Variants in ZFPM2 observed in about 807,000 individuals in gnomAD.
ZFPM2 encodes the protein zinc finger protein, FOG family member 2, also known as zinc finger protein ZFPM2.
In ZFPM2, 20 loss-of-function variants were observed where a neutral mutation model predicts 98.6. The observed-to-expected ratio is 0.20, with a 90% CI of 0.14 to 0.29. The LOEUF (loss-of-function observed/expected upper bound fraction) is 0.29, where lower values mean the gene tolerates loss of function less well. ZFPM2 is among the 10% of genes least tolerant of loss of function. The pLI, the probability that ZFPM2 is intolerant of heterozygous loss-of-function variation, is 1.00. For missense variants in ZFPM2, 1,310 were observed against 1,388.6 expected (o/e 0.94, Z 0.90); for synonymous variants, 518 against 502.7 (o/e 1.03, Z -0.41).
chr8:105,680,405 G>A (rs777285218), intron 5 of ZFPM2, among the ~76,000 whole-genome samples: 26 of 152,180 alleles, frequency 1.7e-4, no homozygotes, highest in African/African-American at 5.1e-4. Context: ...GCTGCTCTCC[G>A]TTCCTTTGCT....
intron 5 of ZFPM2, among the ~76,000 whole-genome samples, chr8:105,691,969 G>C (rs541075564): frequency 8.7e-4 from 132 of 152,254 alleles, no homozygotes; most frequent in African/African-American, 3.0e-3. Flanking sequence ...ATTGACTTTA[G>C]GCAAAACATT....
chr8:105,452,359 A>T (rs1432253459), intron 3 of ZFPM2, among the ~76,000 whole-genome samples: 1 of 152,190 alleles, frequency 6.6e-6, no homozygotes, highest in African/African-American at 2.4e-5. Context: ...CTTAGAATGC[A>T]TCTCAACAGG....
chr8:105,324,421 G>T (rs1252285067), intron 1 of ZFPM2, among the ~76,000 whole-genome samples: 1 of 151,688 alleles, frequency 6.6e-6, no homozygotes, highest in Non-Finnish European at 1.5e-5. Context: ...TGTTATTTCT[G>T]CTAGTTGAGG....
chr8:105,491,616 C>T (rs1459055369), intron 3 of ZFPM2, among the ~76,000 whole-genome samples: 1 of 152,066 alleles, frequency 6.6e-6, no homozygotes, highest in East Asian at 1.9e-4. Flanking sequence ...TCAGACTTCA[C>T]AAGAGCAAGA....
chr8:105,581,302 C>G (rs1815592142), intron 4 of ZFPM2, among the ~76,000 whole-genome samples: 1 of 151,962 alleles, frequency 6.6e-6, no homozygotes, highest in South Asian at 2.1e-4. Context: ...TGCATAGGGG[C>G]CAAAGAATGA....
intron 4 of ZFPM2, among the ~76,000 whole-genome samples, chr8:105,565,367 C>A (rs546397480): frequency 6.6e-6 from 1 of 152,204 alleles, no homozygotes; most frequent in Non-Finnish European, 1.5e-5. Context: ...GTAGATACTT[C>A]ATGCTTTAAA....
intron 3 of ZFPM2, among the ~76,000 whole-genome samples, chr8:105,479,912 A>G (rs1813083243): frequency 6.6e-6 from 1 of 152,060 alleles, no homozygotes; most frequent in South Asian, 2.1e-4. Flanking sequence ...ATCAGATATC[A>G]TGCTTATTTT....
intron 5 of ZFPM2, among the ~76,000 whole-genome samples, chr8:105,656,611 C>G (rs770789399): frequency 6.6e-6 from 1 of 152,074 alleles, no homozygotes. Context: ...TCTGCAAGGC[C>G]GTGACTCTTA....
At chr8:105,709,147 G>GGGAGAAAA (rs1387377503) in intron 5 of ZFPM2, among the ~76,000 whole-genome samples, 3 of 152,188 alleles carry the variant, frequency 2.0e-5, no homozygotes, top group African/African-American at 7.2e-5. Flanking sequence ...AGGTCAGAAA[G>GGGAGAAAA]GGAGAAAAGG....
intron 1 of ZFPM2, among the ~76,000 whole-genome samples, chr8:105,352,587 GTT>G (rs111360013): frequency 7.1e-6 from 1 of 141,196 alleles, no homozygotes; most frequent in Non-Finnish European, 1.6e-5. Flanking sequence ...CCATTTTACC[GTT>G]TTTTTTTTTT....
intron 5 of ZFPM2, among the ~76,000 whole-genome samples, chr8:105,658,936 A>G (rs1214618703): frequency 6.6e-6 from 1 of 152,226 alleles, no homozygotes; most frequent in Non-Finnish European, 1.5e-5. Flanking sequence ...AGAAAGACAA[A>G]TGAATGGCCA....
At chr8:105,455,161 A>G (rs1173418475) in intron 3 of ZFPM2, among the ~76,000 whole-genome samples, 1 of 152,226 alleles carries the variant, frequency 6.6e-6, no homozygotes, top group African/African-American at 2.4e-5. Flanking sequence ...AAATATTCCA[A>G]AAATTTTTTA....
rs371104717 is a variant in ZFPM2, at chr8:105,445,688, T to A, written c.301+1307T>A. On this transcript the variant is annotated intron_variant, in intron 3 of 7. Transcript: ENST00000407775. ...GGCATGATCTTGGCTCACTGCAGCC[T>A]CCACCTCCCAGCCTCAAGTGATCCT... Among the ~76,000 whole-genome samples the A allele has an allele frequency of 1.5e-4, 23 of 151,844 alleles. 1 individual carries two copies. In the East Asian group the frequency reaches 2.5e-3, roughly 17 times the overall value.
chr8:105,441,475 AAAGAAAG>A (rs1413095874), intron 2 of ZFPM2, among the ~76,000 whole-genome samples: 1 of 129,136 alleles, frequency 7.7e-6, no homozygotes, highest in Non-Finnish European at 1.6e-5. Flanking sequence ...AGAAAGAAAG[AAAGAAAG>A]AAAGAAAGAA....
chr8:105,349,803 A>G (rs1242136391), intron 1 of ZFPM2, among the ~76,000 whole-genome samples: 3 of 152,364 alleles, frequency 2.0e-5, no homozygotes, highest in South Asian at 2.1e-4. Context: ...TGTAATATAC[A>G]TGTAATCATA....
At chr8:105,447,476 A>G (rs1263341630) in intron 3 of ZFPM2, among the ~76,000 whole-genome samples, 1 of 152,112 alleles carries the variant, frequency 6.6e-6, no homozygotes, top group South Asian at 2.1e-4. Flanking sequence ...TTGAAGCCGA[A>G]CCTTTAGAGT....
chr8:105,391,145 A>G (rs1372913952), intron 1 of ZFPM2, among the ~76,000 whole-genome samples: 1 of 152,210 alleles, frequency 6.6e-6, no homozygotes, highest in Non-Finnish European at 1.5e-5. Context: ...GAGCTATGCA[A>G]CAAAAGCAAA....
rs112487088 is a variant in ZFPM2 at position 105,353,195 on chromosome 8, A to G, written c.40+34214A>G. 9.2e-3 allele frequency among the ~76,000 whole-genome samples: 1,396 copies of G among 151,920 alleles called. 18 individuals are homozygous for G. The highest frequency in any genetic ancestry group is 0.032 in the African/African-American group (1,330 of 41,428). On this transcript the variant is annotated intron_variant, in intron 1 of 7. Transcript: ENST00000407775. ...GGTATCAGAGGTCTCCTTCCTAGAG[A>G]CTTCCCTAATGCTTCTGAAGGGATC...
At chr8:105,449,577 G>A (rs914300340) in intron 3 of ZFPM2, among the ~76,000 whole-genome samples, 2 of 151,850 alleles carry the variant, frequency 1.3e-5, no homozygotes, top group Non-Finnish European at 2.9e-5. Flanking sequence ...TTGCTGCTAC[G>A]CTGATAAGTC....
Sources: allele counts gnomAD v4.1 joint callset (sites outside exome capture counted in the v4.1 genomes callset), GRCh38; gene constraint gnomAD v4.1.1; transcripts MANE v1.5; gene names NCBI Gene and HGNC (gene_info 2026-07-23, HGNC 2026-07-21).